RABEPK: variants seen among roughly 807,000 people sequenced by gnomAD.
The protein encoded by RABEPK is Rab9 effector protein with kelch motifs, also known as 40 kDa Rab9 effector protein.
RABEPK carries 27 observed loss-of-function variants against 34.1 expected under a neutral mutation model. That is an observed-to-expected ratio of 0.79 (90% CI 0.58 to 1.09). The LOEUF is 1.09. Among genes scored for constraint, RABEPK ranks in the 50% least tolerant of loss-of-function variants. The probability of loss-of-function intolerance (pLI) is 0.00; values close to 1 mark genes in which losing one functional copy is unlikely to be tolerated. For missense variants in RABEPK, 449 were observed against 462.6 expected (o/e 0.97, Z 0.27); for synonymous variants, 172 against 169.2 (o/e 1.02, Z -0.13).
intron 3 of RABEPK, 146 bp downstream of exon 3, chr9:125,207,867 T>C (rs572042704): frequency 7.0e-5 from 69 of 992,328 alleles, no homozygotes; most frequent in Non-Finnish European, 9.2e-5. Context: ...GGCTCACGCC[T>C]CTAATCCCAG....
chr9:125,200,892 T>C lies in RABEPK; in HGVS notation c.-21T>C, dbSNP rs990877315. 2.1e-6 allele frequency: 1 copy of C among 470,468 alleles called. No homozygotes were observed. The highest frequency in any genetic ancestry group is 4.4e-6 in the Non-Finnish European group (1 of 226,806). The allele number at this position is 470,468 out of a possible 1,614,324, so 29.1% of individuals were successfully genotyped here. On this transcript the variant is annotated 5_prime_UTR_variant, in exon 1 of 8. Transcript: ENST00000373538. ...TCTGGACTTTGGGGACAGCTGTCAGTGGCCTAGGCCGCAGGTGAGATTTAT... is the reference window on the plus strand; with the variant it reads ...TCTGGACTTTGGGGACAGCTGTCAGCGGCCTAGGCCGCAGGTGAGATTTAT...
At chr9:125,222,931 C>A (rs1831454962) in intron 5 of RABEPK, among the ~76,000 whole-genome samples, 1 of 152,062 alleles carries the variant, frequency 6.6e-6, no homozygotes, top group Admixed American at 6.6e-5. Flanking sequence ...TTTGGTCCCT[C>A]AAAGTGCTGG....
chr9:125,206,308 G>A (rs1330521213), intron 2 of RABEPK, among the ~76,000 whole-genome samples: 1 of 152,076 alleles, frequency 6.6e-6, no homozygotes, highest in Non-Finnish European at 1.5e-5. Flanking sequence ...TTCAAGGCTG[G>A]CCAACATAGT....
chr9:125,228,396 C>T (rs1490724619), intron 6 of RABEPK, among the ~76,000 whole-genome samples: 1 of 152,144 alleles, frequency 6.6e-6, no homozygotes, highest in Non-Finnish European at 1.5e-5. Context: ...ATGGCTCATG[C>T]CTGTAATCTT....
intron 5 of RABEPK, chr9:125,220,983 A>C (rs907978748): frequency 7.5e-6 from 2 of 267,132 alleles, no homozygotes; most frequent in African/African-American, 4.4e-5. Flanking sequence ...CCTGGCCAAC[A>C]TACCTTTTCT....
At position 125,228,031 on chromosome 9, in the gene RABEPK, C is replaced by G. The variant is rs772773207; in HGVS notation, c.648C>G (p.Phe216Leu). 1 of 1,602,174 alleles carries G rather than the reference C, an allele frequency of 6.2e-7. No individual in the cohort carries two copies. Among genetic ancestry groups the G allele is most frequent in the South Asian group, 1.1e-5 (1 of 89,526 alleles). The change falls in exon 6 of 8, where the codon TTC (phenylalanine) becomes TTG (leucine). Residue 216 changes from phenylalanine to leucine, a missense_variant. Phe to Leu is a conservative substitution (Grantham distance 22). Coordinates refer to ENST00000373538, the MANE Select transcript of RABEPK (RefSeq NM_005833.4). ...FIHGGLAGDRFYDDLHCIDIS... is the reference protein window; with the variant it reads ...FIHGGLAGDRLYDDLHCIDIS... Reference sequence around the variant, plus strand: ...ACGGAGGCTTGGCGGGGGACAGATTCTATGATGACCTCCACTGCATTGATA... The same window carrying G: ...ACGGAGGCTTGGCGGGGGACAGATTGTATGATGACCTCCACTGCATTGATA...
chr9:125,222,583 G>A (rs1233685997), intron 5 of RABEPK, among the ~76,000 whole-genome samples: 2 of 151,292 alleles, frequency 1.3e-5, no homozygotes, highest in South Asian at 2.1e-4. Context: ...GCGTGGTGAC[G>A]CACACCTGTA....
intron 5 of RABEPK, among the ~76,000 whole-genome samples, chr9:125,225,346 C>T (rs1831657527): frequency 6.6e-6 from 1 of 151,280 alleles, no homozygotes. Flanking sequence ...AAGATCGTGC[C>T]ATTGCACTCC....
chr9:125,209,426 T>G (rs1157921413), intron 3 of RABEPK, among the ~76,000 whole-genome samples: 2 of 151,770 alleles, frequency 1.3e-5, no homozygotes, highest in East Asian at 3.9e-4. Context: ...CTTGGCTCAC[T>G]GCAACCTCTG....
At position 125,233,778 on chromosome 9, in the gene RABEPK, C is replaced by T. The variant is rs759767703; in HGVS notation, c.917C>T (p.Thr306Met). The change falls in exon 8 of 8, where the codon ACG (threonine) becomes ATG (methionine). Residue 306 changes from threonine to methionine, a missense_variant. Physicochemically the swap from Thr to Met is moderately conservative, Grantham distance 81. Coordinates refer to ENST00000373538, the MANE Select transcript of RABEPK (RefSeq NM_005833.4). ...ATGTGTATCATTCCATGGCCAGTGA[C>T]GTGTGCTTCTGAGAAAGAAGATTCC... The part of the protein sequence containing the change: ...HSMCIIPWPV[T>M]CASEKEDSNS... 48 of 1,613,810 alleles carry T rather than the reference C, an allele frequency of 3.0e-5. 1 individual carries two copies. In the Middle Eastern group the frequency reaches 1.6e-3, roughly 55 times the overall value.
chr9:125,208,097 C>T (rs1046551033), intron 3 of RABEPK, among the ~76,000 whole-genome samples: 1 of 151,978 alleles, frequency 6.6e-6, no homozygotes, highest in Non-Finnish European at 1.5e-5. Flanking sequence ...CACTGTACTC[C>T]GGCCTGGGTG....
intron 2 of RABEPK, among the ~76,000 whole-genome samples, chr9:125,205,078 C>G (rs1830137841): frequency 6.6e-6 from 1 of 152,028 alleles, no homozygotes; most frequent in South Asian, 2.1e-4. Context: ...CCACTCTAGC[C>G]TCCCAAAGTG....
intron 5 of RABEPK, among the ~76,000 whole-genome samples, chr9:125,227,651 G>A (rs938441729): frequency 4.0e-5 from 6 of 151,438 alleles, no homozygotes; most frequent in South Asian, 4.2e-4. Context: ...GGCTGGCCTC[G>A]AACTCCTGAC....
In RABEPK at chr9:125,233,932, T is replaced by C; in HGVS notation, c.1071T>C (p.Asn357=). Residue 357 remains asparagine, a synonymous_variant, in exon 8 of 8, where the codon AAT becomes AAC. Coordinates refer to ENST00000373538, the MANE Select transcript of RABEPK (RefSeq NM_005833.4). ...TLLCLVFGGM[N]TEGEIYDDCI... ...TCTGTTTGGTGTTTGGTGGGATGAATACAGAAGGGGAAATCTATGACGATT... is the reference window on the plus strand; with the variant it reads ...TCTGTTTGGTGTTTGGTGGGATGAACACAGAAGGGGAAATCTATGACGATT... The C allele has an allele frequency of 1.2e-6, 2 of 1,613,520 alleles. No individual in the cohort carries two copies. The highest frequency in any genetic ancestry group is 8.5e-7 in the Non-Finnish European group (1 of 1,179,452).
At chr9:125,213,586 C>CAT (rs1421084255) in intron 4 of RABEPK, 64 bp downstream of exon 4, 11 of 1,253,206 alleles carry the variant, frequency 8.8e-6, no homozygotes, top group African/African-American at 1.5e-5. Context: ...CACACACACA[C>CAT]ATATATATAA....
At chr9:125,210,314 G>T (rs2131378543) in intron 3 of RABEPK, among the ~76,000 whole-genome samples, 1 of 149,660 alleles carries the variant, frequency 6.7e-6, no homozygotes, top group South Asian at 2.1e-4. Flanking sequence ...TGAGGCAGGA[G>T]AATGGCGTGA....
intron 3 of RABEPK, among the ~76,000 whole-genome samples, chr9:125,212,385 A>G (rs1830643994): frequency 6.6e-6 from 1 of 151,962 alleles, no homozygotes; most frequent in Non-Finnish European, 1.5e-5. Context: ...GCGCCCAGCT[A>G]ATTTTTTGTA....
chr9:125,232,674 GA>G lies in RABEPK; in HGVS notation c.759del (p.Lys253AsnfsTer9). ...GCAAHSAVAMGKHVYIFGGMT... is the reference protein window; with the variant it reads ...GCAAHSAVAMXKHVYIFGGMT... ...GCTGCCCACTCAGCTGTGGCCATGG[GA>G]AAACATGTGTACATCTTTGGTGGAA... is the stretch of plus-strand genomic sequence containing the variant. On this transcript the variant is annotated frameshift_variant, in exon 7 of 8. Coordinates refer to ENST00000373538, the MANE Select transcript of RABEPK (RefSeq NM_005833.4). LOFTEE classifies it high-confidence loss of function. 1.2e-6 allele frequency: 2 copies of G among 1,614,154 alleles called. No individual in the cohort carries two copies. The highest frequency in any genetic ancestry group is 1.7e-6 in the Non-Finnish European group (2 of 1,179,990).
At chr9:125,212,790 C>T (rs1355415609) in intron 3 of RABEPK, among the ~76,000 whole-genome samples, 1 of 151,942 alleles carries the variant, frequency 6.6e-6, no homozygotes, top group Non-Finnish European at 1.5e-5. Context: ...CTACCTCAGC[C>T]TCCCGAGTAG....
Sources: allele counts gnomAD v4.1 joint callset (sites outside exome capture counted in the v4.1 genomes callset), GRCh38; gene constraint gnomAD v4.1.1; transcripts MANE v1.5; gene names NCBI Gene and HGNC (gene_info 2026-07-23, HGNC 2026-07-21).